Variants in SPSB4 observed in about 807,000 individuals in gnomAD.
The protein encoded by SPSB4 is SPRY domain-containing SOCS box protein 4.
Under a neutral mutation model 20.9 loss-of-function variants are expected in SPSB4, and 21 were observed. That is an observed-to-expected ratio of 1.01 (90% CI 0.71 to 1.45). The LOEUF (loss-of-function observed/expected upper bound fraction) is 1.45, where lower values mean the gene tolerates loss of function less well. Among genes scored for constraint, SPSB4 ranks in the 40% most tolerant of loss-of-function variants. SPSB4 has a pLI of 0.00. For missense variants in SPSB4, 399 were observed against 399.2 expected, an observed-to-expected ratio of 1.00 and a Z score of 0.00; for synonymous variants, 207 against 183.8, an observed-to-expected ratio of 1.13 and a Z score of -1.02.
At chr3:141,072,422 C>T (rs769043770) in intron 2 of SPSB4, among the ~76,000 whole-genome samples, 3 of 152,170 alleles carry the variant, frequency 2.0e-5, no homozygotes, top group Admixed American at 6.5e-5. Flanking sequence ...TGGGCCGTGG[C>T]AGATACATCA....
chr3:141,072,033 C>T (rs998293516), intron 2 of SPSB4, among the ~76,000 whole-genome samples: 4 of 152,232 alleles, frequency 2.6e-5, no homozygotes, highest in Non-Finnish European at 5.9e-5. Context: ...GTGAGGTCCT[C>T]CCAGCCTCCA....
At chr3:141,116,100 G>A (rs138246947) in intron 2 of SPSB4, among the ~76,000 whole-genome samples, 77 of 152,304 alleles carry the variant, frequency 5.1e-4, no homozygotes, top group African/African-American at 1.8e-3. Flanking sequence ...AGTAGAGGAA[G>A]TTTGCTCAAG....
chr3:141,081,474 G>T (rs1288396404), intron 2 of SPSB4, among the ~76,000 whole-genome samples: 1 of 152,202 alleles, frequency 6.6e-6, no homozygotes, highest in Non-Finnish European at 1.5e-5. Flanking sequence ...TCAAGTGGGG[G>T]TGGGGGTAGG....
At chr3:141,061,646 T>A (rs1937763738) in intron 1 of SPSB4, among the ~76,000 whole-genome samples, 1 of 151,360 alleles carries the variant, frequency 6.6e-6, no homozygotes, top group South Asian at 2.1e-4. Flanking sequence ...TATTAACATA[T>A]TTTTTCAGAT....
At chr3:141,110,716 A>T (rs1487219090) in intron 2 of SPSB4, among the ~76,000 whole-genome samples, 1 of 152,242 alleles carries the variant, frequency 6.6e-6, no homozygotes, top group African/African-American at 2.4e-5. Flanking sequence ...TGGCTCCTAA[A>T]GTTTCCAAGC....
intron 2 of SPSB4, among the ~76,000 whole-genome samples, chr3:141,141,110 G>A (rs563019376): frequency 6.6e-6 from 1 of 152,344 alleles, no homozygotes; most frequent in African/African-American, 2.4e-5. Flanking sequence ...GAGGCTCTGT[G>A]GGCATAGGAC....
intron 2 of SPSB4, chr3:141,116,943 G>A (rs1437551712): frequency 6.6e-6 from 1 of 152,184 alleles, no homozygotes; most frequent in Non-Finnish European, 1.5e-5. Context: ...AGAAGCCACA[G>A]GTCACACAGA....
intron 1 of SPSB4, among the ~76,000 whole-genome samples, chr3:141,052,577 T>A (rs4683389): frequency 0.93 from 141,401 of 152,174 alleles, 66,531 homozygotes; most frequent in Non-Finnish European, 1. Context: ...TCCGGGGTAT[T>A]CGGAGAGGTG....
intron 2 of SPSB4, among the ~76,000 whole-genome samples, chr3:141,126,743 G>A (rs1007118): frequency 0.011 from 1,735 of 152,312 alleles, 21 homozygotes; most frequent in Non-Finnish European, 0.019. Context: ...AGCTGAGTTT[G>A]CTAGGACCTT....
At chr3:141,132,652 GTATATA>G (rs61229879) in intron 2 of SPSB4, among the ~76,000 whole-genome samples, 1 of 148,498 alleles carries the variant, frequency 6.7e-6, no homozygotes, top group African/African-American at 2.5e-5. Flanking sequence ...CAAGGTGTGT[GTATATA>G]TATATATATA....
intron 1 of SPSB4, among the ~76,000 whole-genome samples, chr3:141,061,985 T>C (rs761571466): frequency 6.6e-6 from 1 of 152,224 alleles, no homozygotes; most frequent in Non-Finnish European, 1.5e-5. Flanking sequence ...TCCACCTGCC[T>C]TGGCCTCCCA....
At chr3:141,076,701 C>T (rs1294405419) in intron 2 of SPSB4, among the ~76,000 whole-genome samples, 3 of 152,180 alleles carry the variant, frequency 2.0e-5, no homozygotes, top group Non-Finnish European at 4.4e-5. Flanking sequence ...TACTCCAGCA[C>T]CCACACCTGT....
intron 2 of SPSB4, among the ~76,000 whole-genome samples, chr3:141,119,203 C>T (rs1938925664): frequency 6.6e-6 from 1 of 152,182 alleles, no homozygotes; most frequent in East Asian, 1.9e-4. Context: ...AGAGGTCCTT[C>T]ACATCCCTTG....
At chr3:141,083,276 G>A (rs765039446) in intron 2 of SPSB4, among the ~76,000 whole-genome samples, 7 of 152,136 alleles carry the variant, frequency 4.6e-5, no homozygotes, top group Admixed American at 3.3e-4. Flanking sequence ...TGGCTTCCCC[G>A]GCTGGTTTGG....
rs186009324 is a variant in SPSB4 at position 141,071,275 on chromosome 3, C to T, written c.694+4477C>T. ...CCCAGCTCCTCTCTCCACATGCAGG[C>T]GGCAGGAGGGCTGACAGAACGGCTT... On this transcript the variant is annotated intron_variant, in intron 2 of 2. Transcript: ENST00000310546. 4.9e-4 allele frequency among the ~76,000 whole-genome samples: 74 copies of T among 151,634 alleles called. 1 individual carries two copies. The East Asian group carries it at 0.013, about 27-fold the overall frequency.
intron 2 of SPSB4, among the ~76,000 whole-genome samples, chr3:141,106,597 C>A (rs1363526758): frequency 6.6e-6 from 1 of 152,202 alleles, no homozygotes; most frequent in Non-Finnish European, 1.5e-5. Flanking sequence ...TTATAAGGAA[C>A]AGAAGACCTG....
At chr3:141,142,890 C>T (rs1939356480) in intron 2 of SPSB4, among the ~76,000 whole-genome samples, 1 of 133,994 alleles carries the variant, frequency 7.5e-6, no homozygotes, top group Non-Finnish European at 1.5e-5. Context: ...GATCTCAGCT[C>T]ATTGCAAGTT....
At chr3:141,087,596 G>A (rs1938369744) in intron 2 of SPSB4, among the ~76,000 whole-genome samples, 1 of 152,222 alleles carries the variant, frequency 6.6e-6, no homozygotes, top group African/African-American at 2.4e-5. Context: ...GTCCTGGGAA[G>A]TGTGTGTGAT....
chr3:141,072,155 C>T (rs980688676), intron 2 of SPSB4, among the ~76,000 whole-genome samples: 1 of 152,246 alleles, frequency 6.6e-6, no homozygotes, highest in Admixed American at 6.5e-5. Flanking sequence ...TCTGGCTCTG[C>T]ATGGGGAGTT....
Sources: gnomAD v4.1 joint callset for allele counts (sites outside exome capture counted in the v4.1 genomes callset) on GRCh38, gnomAD v4.1.1 for gene constraint, MANE v1.5 for transcripts, NCBI Gene and HGNC (gene_info 2026-07-23, HGNC 2026-07-21) for gene names.